Variants in COL26A1 observed in about 807,000 individuals in gnomAD.
COL26A1 encodes the protein collagen type XXVI alpha 1 chain.
In COL26A1, 41 loss-of-function variants were observed where a neutral mutation model predicts 59.3. The ratio of observed to expected loss-of-function variants is 0.69; its 90% CI spans 0.54 to 0.90. The LOEUF is 0.90. COL26A1 is among the 40% of genes least tolerant of loss of function. The probability of loss-of-function intolerance (pLI) is 0.00; values close to 1 mark genes in which losing one functional copy is unlikely to be tolerated. For synonymous variants in COL26A1, 266 were observed against 256.0 expected (o/e 1.04, Z -0.37); for missense variants, 612 against 602.3 (o/e 1.02, Z -0.17).
chr7:101,436,460 G>T (rs575646237), intron 2 of COL26A1, among the ~76,000 whole-genome samples: 2 of 152,102 alleles, frequency 1.3e-5, no homozygotes, highest in African/African-American at 4.8e-5. Context: ...AGTCGGGGGC[G>T]GGCAGGCATG....
chr7:101,451,935 G>A (rs6976699), intron 3 of COL26A1, among the ~76,000 whole-genome samples: 64,556 of 151,786 alleles, frequency 0.43, 16,439 homozygotes, highest in Admixed American at 0.57. Context: ...TCGAACTCCC[G>A]GCCTCAGGTG....
intron 1 of COL26A1, among the ~76,000 whole-genome samples, chr7:101,367,767 A>C (rs1584343866): frequency 6.6e-6 from 1 of 152,264 alleles, no homozygotes; most frequent in South Asian, 2.1e-4. Context: ...TGCAAACCAG[A>C]AAGAGAACCC....
chr7:101,549,064 A>G, intron 8 of COL26A1, 107 bp from the exon 9 acceptor site: 1 of 567,818 alleles, frequency 1.8e-6, no homozygotes, highest in Non-Finnish European at 3.1e-6. Context: ...TCATTCCCAA[A>G]CCCTCCTTTA....
rs192323731 is a variant in COL26A1 at position 101,394,091 on chromosome 7, T to G, written c.159-25886T>G. ...CTGCGCCTGGCTGGGAACCAATGCT[T>G]ATTGAGCACCTACTGTGTACTAGGC... On this transcript the variant is annotated intron_variant, in intron 1 of 12. Coordinates refer to ENST00000313669, the MANE Select transcript of COL26A1 (RefSeq NM_001278563.3). Among the ~76,000 whole-genome samples, 11 of 152,094 alleles carry G rather than the reference T, an allele frequency of 7.2e-5. No individual in the cohort carries two copies. The East Asian group carries it at 2.1e-3, about 29-fold the overall frequency.
At chr7:101,458,721 T>C (rs1793537545) in intron 3 of COL26A1, among the ~76,000 whole-genome samples, 1 of 151,986 alleles carries the variant, frequency 6.6e-6, no homozygotes, top group Non-Finnish European at 1.5e-5. Flanking sequence ...ATTTTGTAGA[T>C]GCAGAAACAG....
At chr7:101,395,488 C>T (rs1198786508) in intron 1 of COL26A1, among the ~76,000 whole-genome samples, 1 of 152,184 alleles carries the variant, frequency 6.6e-6, no homozygotes, top group African/African-American at 2.4e-5. Flanking sequence ...CCCTGGTAGC[C>T]CCACTCTTGG....
chr7:101,385,369 A>G (rs555718759), intron 1 of COL26A1, among the ~76,000 whole-genome samples: 6,517 of 128,376 alleles, frequency 0.051, 279 homozygotes, highest in African/African-American at 0.14. Flanking sequence ...ATATGTGTGT[A>G]TATATATATA....
chr7:101,449,469 A>G (rs537096410), intron 3 of COL26A1, among the ~76,000 whole-genome samples: 2 of 152,346 alleles, frequency 1.3e-5, no homozygotes, highest in Admixed American at 6.5e-5. Flanking sequence ...TTCAGTGATC[A>G]ATAAAATCAG....
At chr7:101,364,582 T>C (rs934129144) in intron 1 of COL26A1, among the ~76,000 whole-genome samples, 1 of 151,872 alleles carries the variant, frequency 6.6e-6, no homozygotes, top group Admixed American at 6.6e-5. Context: ...CTTTTTTTTT[T>C]TTTTTTAATA....
chr7:101,529,678 T>G (rs1454657389), intron 3 of COL26A1, among the ~76,000 whole-genome samples: 2 of 152,222 alleles, frequency 1.3e-5, no homozygotes, highest in Non-Finnish European at 2.9e-5. Flanking sequence ...CATGCAATAT[T>G]TGATCTTCTG....
At chr7:101,554,567 T>TAAAAAAAAAAAAA (rs57638079) in intron 11 of COL26A1, among the ~76,000 whole-genome samples, 182 of 120,480 alleles carry the variant, frequency 1.5e-3, no homozygotes, top group Non-Finnish European at 2.8e-3. Flanking sequence ...CCCCATTTCT[T>TAAAAAAAAAAAAA]AAAAAAAAAA....
intron 2 of COL26A1, among the ~76,000 whole-genome samples, chr7:101,437,180 G>T (rs1296128257): frequency 6.6e-6 from 1 of 152,188 alleles, no homozygotes; most frequent in Admixed American, 6.6e-5. Context: ...AATCATAAGT[G>T]CTTAGAAGAG....
intron 3 of COL26A1, among the ~76,000 whole-genome samples, chr7:101,463,869 T>TTC (rs1554416086): frequency 1.1e-5 from 1 of 91,732 alleles, no homozygotes; most frequent in East Asian, 3.0e-4. Flanking sequence ...CTCTTTTTTC[T>TTC]TTTCTTTCTT....
At chr7:101,374,326 C>T (rs972524740) in intron 1 of COL26A1, among the ~76,000 whole-genome samples, 2 of 152,148 alleles carry the variant, frequency 1.3e-5, no homozygotes, top group Non-Finnish European at 2.9e-5. Flanking sequence ...GTTTGCCCCA[C>T]CCCTAACTAC....
At chr7:101,501,841 A>G (rs898100537) in intron 3 of COL26A1, among the ~76,000 whole-genome samples, 3 of 152,192 alleles carry the variant, frequency 2.0e-5, no homozygotes, top group Admixed American at 2.0e-4. Context: ...GGTTGTGTAT[A>G]CAAACAGCTG....
intron 1 of COL26A1, among the ~76,000 whole-genome samples, chr7:101,393,239 A>G (rs1355618877): frequency 6.6e-6 from 1 of 152,084 alleles, no homozygotes; most frequent in Non-Finnish European, 1.5e-5. Flanking sequence ...CTAATAGGAT[A>G]TATGTATATG....
chr7:101,540,804 T>C (rs901027732), intron 5 of COL26A1, among the ~76,000 whole-genome samples: 12 of 152,184 alleles, frequency 7.9e-5, no homozygotes, highest in Admixed American at 7.9e-4. Flanking sequence ...ATCATGCCAC[T>C]GCAATCCAGC....
At chr7:101,504,629 G>C (rs980999245) in intron 3 of COL26A1, among the ~76,000 whole-genome samples, 1 of 152,154 alleles carries the variant, frequency 6.6e-6, no homozygotes, top group Non-Finnish European at 1.5e-5. Context: ...CTCTGCCTCC[G>C]CCATCTCATT....
intron 1 of COL26A1, among the ~76,000 whole-genome samples, chr7:101,411,276 C>T (rs561908116): frequency 9.2e-5 from 14 of 152,262 alleles, no homozygotes; most frequent in African/African-American, 3.4e-4. Flanking sequence ...TCCCATAGGA[C>T]GAAGGCTAAG....
Sources: gnomAD v4.1 joint callset for allele counts (sites outside exome capture counted in the v4.1 genomes callset) on GRCh38, gnomAD v4.1.1 for gene constraint, MANE v1.5 for transcripts, NCBI Gene and HGNC (gene_info 2026-07-23, HGNC 2026-07-21) for gene names.